The following UBASH3A variants were observed in gnomAD, a reference collection of about 807,000 sequenced individuals.
UBASH3A encodes ubiquitin-associated and SH3 domain-containing protein A.
A neutral mutation model predicts 73.5 loss-of-function variants in UBASH3A; 63 were observed. The ratio of observed to expected loss-of-function variants is 0.86; its 90% CI spans 0.70 to 1.06. The LOEUF (loss-of-function observed/expected upper bound fraction) is 1.06, where lower values mean the gene tolerates loss of function less well. Among genes scored for constraint, UBASH3A ranks in the 50% least tolerant of loss-of-function variants. The probability of loss-of-function intolerance (pLI) is 0.00; values close to 1 mark genes in which losing one functional copy is unlikely to be tolerated. For synonymous variants in UBASH3A, 363 were observed against 351.1 expected, an observed-to-expected ratio of 1.03 and a Z score of -0.38; for missense variants, 860 against 859.0, an observed-to-expected ratio of 1.00 and a Z score of -0.02.
At chr21:42,406,206 A>T in intron 1 of UBASH3A, 102 bp from the exon 2 acceptor site, 1 of 930,090 alleles carries the variant, frequency 1.1e-6, no homozygotes, top group Non-Finnish European at 1.8e-6. Flanking sequence ...TCTTCAGAGC[A>T]CCCCCCAAAG....
chr21:42,428,956 AAG>A (rs1385760151), intron 8 of UBASH3A, among the ~76,000 whole-genome samples: 1 of 152,144 alleles, frequency 6.6e-6, no homozygotes, highest in African/African-American at 2.4e-5. Flanking sequence ...CTTATTAGGA[AAG>A]AGAGTTTCTG....
chr21:42,440,902 T>C (rs2053729330), intron 11 of UBASH3A, among the ~76,000 whole-genome samples: 2 of 152,266 alleles, frequency 1.3e-5, no homozygotes, highest in African/African-American at 4.8e-5. Flanking sequence ...TCATTGTTCG[T>C]GGTTCCTCAT....
At position 42,409,627 on chromosome 21, in the gene UBASH3A, C is replaced by A. The variant is rs541538602; in HGVS notation, c.354+19C>A. ...CTTCACGGTGAGTCAACCCAGTGTG[C>A]CTTCAATGCTCACGGCAGCTGGAGG... On this transcript the variant is annotated intron_variant, in intron 3 of 14. Transcript: ENST00000319294. The A allele has an allele frequency of 8.8e-6, 14 of 1,596,836 alleles. No individual in the cohort carries two copies. Among genetic ancestry groups the A allele is most frequent in the Non-Finnish European group, 1.2e-5 (14 of 1,171,286 alleles).
At chr21:42,426,584 T>C in intron 7 of UBASH3A, 113 bp from the exon 8 acceptor site, 1 of 1,294,658 alleles carries the variant, frequency 7.7e-7, no homozygotes, top group Non-Finnish European at 1.1e-6. Context: ...ATGGGAACCT[T>C]TCTGCTGAGG....
intron 11 of UBASH3A, 103 bp from the exon 12 acceptor site, chr21:42,442,349 T>C (rs2053761341): frequency 8.4e-7 from 1 of 1,190,650 alleles, no homozygotes; most frequent in Non-Finnish European, 1.2e-6. Context: ...AAAGGCATGA[T>C]TTAGACGTGT....
At chr21:42,422,537 G>A (rs2053355321) in intron 7 of UBASH3A, among the ~76,000 whole-genome samples, 1 of 152,194 alleles carries the variant, frequency 6.6e-6, no homozygotes, top group South Asian at 2.1e-4. Flanking sequence ...CCGGATTCCA[G>A]TCTTATACCT....
intron 10 of UBASH3A, 137 bp from the exon 11 acceptor site, chr21:42,437,351 G>A: frequency 1.4e-6 from 1 of 694,604 alleles, no homozygotes; most frequent in South Asian, 1.7e-5. Flanking sequence ...TGGAGGCTGT[G>A]CAGGGTGTGT....
chr21:42,412,040 G>T (rs748627054), intron 3 of UBASH3A, among the ~76,000 whole-genome samples: 17 of 152,216 alleles, frequency 1.1e-4, no homozygotes, highest in Non-Finnish European at 2.4e-4. Context: ...GCAGCCCGGT[G>T]CTGGGAAGAG....
intron 14 of UBASH3A, among the ~76,000 whole-genome samples, chr21:42,446,115 C>T (rs1364929077): frequency 6.6e-6 from 1 of 152,174 alleles, no homozygotes; most frequent in Non-Finnish European, 1.5e-5. Context: ...GTTCCTCAAA[C>T]CCATGAGCCT....
chr21:42,409,664 G>A, intron 3 of UBASH3A, 56 bp downstream of exon 3: 1 of 1,509,424 alleles, frequency 6.6e-7, no homozygotes, highest in Non-Finnish European at 9.0e-7. Context: ...ATTTTTCTGT[G>A]CTAACTAGGC....
At chr21:42,412,308 C>T (rs971449633) in intron 3 of UBASH3A, among the ~76,000 whole-genome samples, 18 of 152,220 alleles carry the variant, frequency 1.2e-4, no homozygotes, top group Admixed American at 5.9e-4. Flanking sequence ...AGAGAGCCTG[C>T]GGCCTCAGGG....
At chr21:42,438,073 A>G (rs1254913201) in intron 11 of UBASH3A, among the ~76,000 whole-genome samples, 1 of 152,184 alleles carries the variant, frequency 6.6e-6, no homozygotes, top group African/African-American at 2.4e-5. Context: ...GTTCCTGCCC[A>G]TAGGAGAGCA....
chr21:42,421,577 G>A (rs1464582781), intron 7 of UBASH3A, among the ~76,000 whole-genome samples: 5 of 152,198 alleles, frequency 3.3e-5, no homozygotes, highest in Non-Finnish European at 7.3e-5. Context: ...TTTCAGATCT[G>A]TGCTGGACAT....
chr21:42,443,143 T>C (rs1387367308), intron 12 of UBASH3A, 169 bp from the exon 13 acceptor site: 31 of 1,397,388 alleles, frequency 2.2e-5, no homozygotes, highest in Non-Finnish European at 2.9e-5. Context: ...TGACTGTCAG[T>C]GCTTTGCCAG....
intron 5 of UBASH3A, among the ~76,000 whole-genome samples, chr21:42,415,341 T>C (rs1012234748): frequency 1.3e-5 from 2 of 152,034 alleles, no homozygotes; most frequent in Admixed American, 6.6e-5. Context: ...TACACACTCA[T>C]GCTGCTCCCC....
At chr21:42,442,370 C>A in intron 11 of UBASH3A, 82 bp from the exon 12 acceptor site, 1 of 1,412,530 alleles carries the variant, frequency 7.1e-7, no homozygotes, top group Non-Finnish European at 9.8e-7. Flanking sequence ...GTGTGACGGT[C>A]TGAGATCTAA....
At chr21:42,427,971 AG>A (rs2053468282) in intron 8 of UBASH3A, among the ~76,000 whole-genome samples, 2 of 152,226 alleles carry the variant, frequency 1.3e-5, no homozygotes, top group Non-Finnish European at 2.9e-5. Flanking sequence ...TTTGTAGACA[AG>A]GCCTTTAAAG....
chr21:42,416,381 G>C, intron 5 of UBASH3A, 61 bp from the exon 6 acceptor site: 4 of 1,479,026 alleles, frequency 2.7e-6, no homozygotes, highest in Non-Finnish European at 3.6e-6. Context: ...ATGGAGGTCG[G>C]AGGAAGGAGA....
chr21:42,438,346 A>C (rs1372000227), intron 11 of UBASH3A, among the ~76,000 whole-genome samples: 1 of 152,086 alleles, frequency 6.6e-6, no homozygotes, highest in Non-Finnish European at 1.5e-5. Flanking sequence ...CCACCAGCGG[A>C]AAGTGGGGGC....
Sources: allele counts gnomAD v4.1 joint callset (sites outside exome capture counted in the v4.1 genomes callset), GRCh38; gene constraint gnomAD v4.1.1; transcripts MANE v1.5; gene names NCBI Gene and HGNC (gene_info 2026-07-23, HGNC 2026-07-21).